The following GLI3 variants were observed in gnomAD, a reference collection of about 807,000 sequenced individuals.
GLI3 encodes the protein GLI family zinc finger 3.
Under a neutral mutation model 100.8 loss-of-function variants are expected in GLI3, and 20 were observed. The ratio of observed to expected loss-of-function variants is 0.20; its 90% CI spans 0.14 to 0.29. The LOEUF (loss-of-function observed/expected upper bound fraction) is 0.29, where lower values mean the gene tolerates loss of function less well. Ranked by LOEUF, GLI3 falls within the 10% of genes least tolerant of loss-of-function variation. The probability of loss-of-function intolerance (pLI) is 1.00; values close to 1 mark genes in which losing one functional copy is unlikely to be tolerated. For synonymous variants in GLI3, 938 were observed against 860.5 expected (o/e 1.09, Z -1.58); for missense variants, 2,040 against 2,128.5 (o/e 0.96, Z 0.82).
At chr7:42,128,664 T>A (rs1786194627) in intron 3 of GLI3, among the ~76,000 whole-genome samples, 1 of 151,566 alleles carries the variant, frequency 6.6e-6, no homozygotes, top group Non-Finnish European at 1.5e-5. Context: ...AGAAGAGATC[T>A]TAAATGTGCA....
chr7:42,119,944 T>A (rs1785955252), intron 3 of GLI3, among the ~76,000 whole-genome samples: 1 of 152,118 alleles, frequency 6.6e-6, no homozygotes, highest in Non-Finnish European at 1.5e-5. Flanking sequence ...ATGAATCGAG[T>A]CATCCACACA....
intron 2 of GLI3, among the ~76,000 whole-genome samples, chr7:42,209,488 T>C (rs1218805327): frequency 6.6e-6 from 1 of 152,232 alleles, no homozygotes. Context: ...TTTCCTGTTC[T>C]AAACTTAAAT....
chr7:42,048,746 T>C (rs1171979395), intron 4 of GLI3, 50 bp from the exon 5 acceptor site: 1 of 1,177,830 alleles, frequency 8.5e-7, no homozygotes, highest in African/African-American at 1.5e-5. Context: ...GACAAATATC[T>C]CCACAGGCAG....
chr7:42,230,092 GT>G (rs1788665406), intron 1 of GLI3, among the ~76,000 whole-genome samples: 1 of 93,930 alleles, frequency 1.1e-5, no homozygotes, highest in Non-Finnish European at 2.2e-5. Context: ...TTCTGCAAGG[GT>G]TGGGCGGGGG....
chr7:42,181,956 T>C (rs1787601851), intron 2 of GLI3, among the ~76,000 whole-genome samples: 1 of 152,236 alleles, frequency 6.6e-6, no homozygotes, highest in Non-Finnish European at 1.5e-5. Context: ...AGAGTGGTCC[T>C]TGTAGATGAG....
intron 4 of GLI3, among the ~76,000 whole-genome samples, chr7:42,052,462 T>C (rs571366731): frequency 6.6e-6 from 1 of 152,310 alleles, no homozygotes; most frequent in East Asian, 1.9e-4. Flanking sequence ...ATGCAAGGGC[T>C]TTGAAGGAAT....
At chr7:42,192,222 G>C (rs904111260) in intron 2 of GLI3, among the ~76,000 whole-genome samples, 1 of 152,022 alleles carries the variant, frequency 6.6e-6, no homozygotes, top group Admixed American at 6.6e-5. Context: ...AGTTTAATGA[G>C]GTGACTCTAA....
chr7:42,040,272 T>C (rs766799568), intron 6 of GLI3, 33 bp from the exon 7 acceptor site: 2 of 1,467,052 alleles, frequency 1.4e-6, no homozygotes, highest in Admixed American at 3.3e-5. Context: ...CCTAATTACC[T>C]GCAGTTGGAC....
intron 10 of GLI3, among the ~76,000 whole-genome samples, chr7:41,983,269 G>T (rs1371359369): frequency 1.3e-5 from 2 of 152,210 alleles, no homozygotes; most frequent in African/African-American, 2.4e-5. Flanking sequence ...CCAGAGAAAA[G>T]AAAAGGCAGT....
At chr7:42,059,079 A>G (rs1262632862) in intron 4 of GLI3, among the ~76,000 whole-genome samples, 4 of 152,224 alleles carry the variant, frequency 2.6e-5, no homozygotes, top group African/African-American at 7.2e-5. Context: ...AGAGAGCTCA[A>G]TGTATGTTTC....
chr7:42,255,090 A>G (rs1190640634), intron 1 of GLI3, among the ~76,000 whole-genome samples: 1 of 123,098 alleles, frequency 8.1e-6, no homozygotes, highest in Non-Finnish European at 1.7e-5. Flanking sequence ...TTTTTTTTGC[A>G]TCTTTGTGCA....
At chr7:42,150,863 C>T (rs1035693449) in intron 2 of GLI3, among the ~76,000 whole-genome samples, 4 of 152,200 alleles carry the variant, frequency 2.6e-5, no homozygotes, top group African/African-American at 9.7e-5. Flanking sequence ...GCCAGAGACT[C>T]TTCCCACCAT....
chr7:42,083,558 C>T (rs1221580731), intron 3 of GLI3, among the ~76,000 whole-genome samples: 2 of 152,186 alleles, frequency 1.3e-5, no homozygotes, highest in African/African-American at 4.8e-5. Flanking sequence ...CCAGCTGAGA[C>T]AGGAAACCCA....
chr7:42,145,923 A>G (rs1786695815), intron 3 of GLI3, among the ~76,000 whole-genome samples: 1 of 152,186 alleles, frequency 6.6e-6, no homozygotes. Flanking sequence ...CACAGTGAGG[A>G]AAGGATTCCT....
chr7:42,240,551 C>T (rs541141279), upstream of GLI3, among the ~76,000 whole-genome samples: 2 of 152,256 alleles, frequency 1.3e-5, no homozygotes, highest in South Asian at 4.2e-4. Context: ...CTGGGTGTCC[C>T]GTGGCTTGCA....
chr7:42,044,467 A>G (rs1225825607), intron 6 of GLI3, among the ~76,000 whole-genome samples: 4 of 152,200 alleles, frequency 2.6e-5, no homozygotes, highest in Non-Finnish European at 5.9e-5. Flanking sequence ...TACATAAGTG[A>G]CCCACAAAAA....
chr7:41,968,891 G>C (rs1046608942), intron 13 of GLI3, among the ~76,000 whole-genome samples: 2 of 152,140 alleles, frequency 1.3e-5, no homozygotes, highest in African/African-American at 4.8e-5. Flanking sequence ...GGAGGATTAG[G>C]AAATGATTCC....
chr7:42,121,456 C>A (rs922166085), intron 3 of GLI3, among the ~76,000 whole-genome samples: 1 of 152,190 alleles, frequency 6.6e-6, no homozygotes, highest in Non-Finnish European at 1.5e-5. Flanking sequence ...GCCCCTGCCC[C>A]CAAAATAGCA....
At chr7:41,968,745 A>AAAG (rs1212262841) in intron 13 of GLI3, among the ~76,000 whole-genome samples, 26 of 134,870 alleles carry the variant, frequency 1.9e-4, no homozygotes, top group African/African-American at 8.1e-4. Context: ...AGAAAGAAAG[A>AAAG]AAGAAAGAAA....
Sources: allele counts gnomAD v4.1 joint callset (sites outside exome capture counted in the v4.1 genomes callset), GRCh38; gene constraint gnomAD v4.1.1; transcripts MANE v1.5; gene names NCBI Gene and HGNC (gene_info 2026-07-23, HGNC 2026-07-21).